The following RNFT2 variants were observed in gnomAD, a reference collection of about 807,000 sequenced individuals.
RNFT2 encodes the protein E3 ubiquitin-protein ligase RNFT2.
In RNFT2, 36 loss-of-function variants were observed where a neutral mutation model predicts 53.0. That is an observed-to-expected ratio of 0.68 (90% confidence interval 0.52 to 0.90). RNFT2 has a LOEUF of 0.90. Among genes scored for constraint, RNFT2 ranks in the 40% least tolerant of loss-of-function variants. The pLI, the probability that RNFT2 is intolerant of heterozygous loss-of-function variation, is 0.00. For synonymous variants in RNFT2, 260 were observed against 253.2 expected (o/e 1.03, Z -0.26); for missense variants, 514 against 585.6 (o/e 0.88, Z 1.26).
In RNFT2 at chr12:116,849,845, C is replaced by CTTCCTTTTTTTTTTTTTTTTTTTTT; in HGVS notation, c.*399_*400insCCTTTTTTTTTTTTTTTTTTTTTTT. 1.3e-5 allele frequency: 1 copy of CTTCCTTTTTTTTTTTTTTTTTTTTT among 76,362 alleles called. No individual in the cohort carries two copies. The highest frequency in any genetic ancestry group is 2.2e-5 in the Non-Finnish European group (1 of 46,116). The allele number at this position is 76,362 out of a possible 1,614,324, so 4.7% of individuals were successfully genotyped here. ...CCCTCCCTCCTTCCTTCCTTCCTTCCTTTTTTTTTTTTTTTTAAAACAAGG... is the reference window on the plus strand; with the variant it reads ...CCCTCCCTCCTTCCTTCCTTCCTTCCTTCCTTTTTTTTTTTTTTTTTTTTTTTTTTTTTTTTTTTTTAAAACAAGG... On this transcript the variant is annotated 3_prime_UTR_variant, in exon 11 of 11. Transcript: ENST00000257575.
chr12:116,802,958 G>A (rs79195170), intron 7 of RNFT2, among the ~76,000 whole-genome samples: 5,839 of 151,930 alleles, frequency 0.038, 248 homozygotes, highest in East Asian at 0.14. Flanking sequence ...AGCCTAGCAC[G>A]GTAGCATATG....
chr12:116,774,732 T>A (rs1873347364), intron 6 of RNFT2, among the ~76,000 whole-genome samples: 1 of 144,350 alleles, frequency 6.9e-6, no homozygotes, highest in Admixed American at 6.9e-5. Context: ...ACAGATCTCA[T>A]ACGCCGCATT....
intron 7 of RNFT2, among the ~76,000 whole-genome samples, chr12:116,826,672 G>T (rs2137190703): frequency 6.6e-6 from 1 of 152,246 alleles, no homozygotes; most frequent in Admixed American, 6.5e-5. Flanking sequence ...TGACATCAGT[G>T]CTTGCTTATA....
At chr12:116,760,262 C>T (rs1351087445) in intron 5 of RNFT2, among the ~76,000 whole-genome samples, 1 of 152,192 alleles carries the variant, frequency 6.6e-6, no homozygotes, top group Non-Finnish European at 1.5e-5. Context: ...AAACCTGCCC[C>T]AGACTATCCG....
intron 5 of RNFT2, among the ~76,000 whole-genome samples, chr12:116,761,500 T>C (rs141836449): frequency 1.4e-4 from 21 of 152,330 alleles, no homozygotes; most frequent in African/African-American, 5.1e-4. Flanking sequence ...CCTCTTATGC[T>C]GCTGGGTGGA....
rs139466630 is a variant in RNFT2, at chr12:116,764,062, G to T, written c.628-2752G>T. Among the ~76,000 whole-genome samples the T allele has an allele frequency of 7.1e-3, 1,079 of 152,242 alleles. 9 individuals are homozygous for T. Among genetic ancestry groups the T allele is most frequent in the Non-Finnish European group, 0.012 (805 of 68,024 alleles). ...AATGGAATTCGCAGCAACCTGGATG[G>T]GATTGGAGACTATTATTCTAAGTAA... On this transcript the variant is annotated intron_variant, in intron 5 of 10. Coordinates refer to ENST00000257575, the MANE Select transcript of RNFT2 (RefSeq NM_001382266.1).
chr12:116,841,843 AT>A (rs1254820193), intron 10 of RNFT2, among the ~76,000 whole-genome samples: 1 of 22,052 alleles, frequency 4.5e-5, no homozygotes, highest in Non-Finnish European at 1.0e-4. Context: ...AAATATATAT[AT>A]AAATATATAT....
intron 5 of RNFT2, among the ~76,000 whole-genome samples, chr12:116,764,629 C>T (rs538058063): frequency 5.9e-5 from 9 of 152,298 alleles, no homozygotes; most frequent in African/African-American, 2.2e-4. Flanking sequence ...CAGTGGCTCA[C>T]GCCTATAATC....
At chr12:116,769,535 G>A (rs1873080681) in intron 6 of RNFT2, among the ~76,000 whole-genome samples, 1 of 152,140 alleles carries the variant, frequency 6.6e-6, no homozygotes. Flanking sequence ...GTACGTTTAT[G>A]TCTTAAGTTG....
rs570850093 is a variant in RNFT2, at chr12:116,764,363, A to G, written c.628-2451A>G. 1.2e-4 allele frequency among the ~76,000 whole-genome samples: 18 copies of G among 151,580 alleles called. 1 individual carries two copies. In the South Asian group the frequency reaches 1.7e-3, roughly 14 times the overall value. ...AACCTATGGAAATAATTTTTTTTTT[A>G]AAGTCTGTGCTTTCTCCTGCACAGG... is the stretch of plus-strand genomic sequence containing the variant. On this transcript the variant is annotated intron_variant, in intron 5 of 10. Coordinates refer to ENST00000257575, the MANE Select transcript of RNFT2 (RefSeq NM_001382266.1).
At position 116,853,243 on chromosome 12, in the gene RNFT2, A is replaced by G; in HGVS notation, c.*3795A>G. 1 of 398,854 alleles carries G rather than the reference A, an allele frequency of 2.5e-6. No individual in the cohort carries two copies. The highest frequency in any genetic ancestry group is 4.4e-6 in the Non-Finnish European group (1 of 226,338). 24.7% of individuals were successfully genotyped at this position (398,854 alleles called of 1,614,324 possible). ...CTCTTTTATGTATCTTGGTTCTGCA[A>G]CTCATTTGTTGTAAGTAGGGTTAAT... On this transcript the variant is annotated 3_prime_UTR_variant, in exon 11 of 11. Transcript: ENST00000257575.
chr12:116,762,507 C>T (rs143291595), intron 5 of RNFT2, among the ~76,000 whole-genome samples: 12 of 151,766 alleles, frequency 7.9e-5, no homozygotes, highest in Admixed American at 1.3e-4. Context: ...GAGGCTGAGG[C>T]GGGAGGATCC....
At chr12:116,837,076 T>A (rs141162465) in intron 10 of RNFT2, among the ~76,000 whole-genome samples, 83 of 152,346 alleles carry the variant, frequency 5.4e-4, no homozygotes, top group South Asian at 1.0e-3. Flanking sequence ...ATAATTATTA[T>A]TACCATTTGT....
At chr12:116,794,395 C>T (rs942090170) in intron 7 of RNFT2, among the ~76,000 whole-genome samples, 5 of 151,574 alleles carry the variant, frequency 3.3e-5, no homozygotes, top group South Asian at 2.1e-4. Context: ...GTCAGGAGTT[C>T]GAGACTAGCC....
At chr12:116,837,866 T>A (rs1226973470) in intron 10 of RNFT2, among the ~76,000 whole-genome samples, 1 of 152,180 alleles carries the variant, frequency 6.6e-6, no homozygotes. Context: ...TACTGGGATT[T>A]TCTGTTCTAT....
intron 10 of RNFT2, among the ~76,000 whole-genome samples, chr12:116,837,282 G>A (rs1405662087): frequency 2.0e-5 from 3 of 152,086 alleles, no homozygotes; most frequent in Non-Finnish European, 4.4e-5. Flanking sequence ...CCCTCCTCTG[G>A]AAGCTCACAG....
chr12:116,818,765 T>C (rs1875828971), intron 7 of RNFT2, among the ~76,000 whole-genome samples: 1 of 152,188 alleles, frequency 6.6e-6, no homozygotes, highest in African/African-American at 2.4e-5. Flanking sequence ...AGCAAGTAAC[T>C]TGACCTCTCC....
At chr12:116,840,399 C>G (rs183733570) in intron 10 of RNFT2, among the ~76,000 whole-genome samples, 177 of 152,312 alleles carry the variant, frequency 1.2e-3, no homozygotes, top group African/African-American at 4.0e-3. Context: ...AAATCCAGAG[C>G]CTCTGATGCC....
At chr12:116,826,986 C>T (rs771509154) in intron 7 of RNFT2, among the ~76,000 whole-genome samples, 5 of 151,760 alleles carry the variant, frequency 3.3e-5, no homozygotes, top group East Asian at 1.9e-4. Flanking sequence ...TTTGGGAGGC[C>T]GAGGCGGGTG....
Sources: gnomAD v4.1 joint callset for allele counts (sites outside exome capture counted in the v4.1 genomes callset) on GRCh38, gnomAD v4.1.1 for gene constraint, MANE v1.5 for transcripts, NCBI Gene and HGNC (gene_info 2026-07-23, HGNC 2026-07-21) for gene names.